TEX36: variants seen among roughly 807,000 people sequenced by gnomAD.
The protein encoded by TEX36 is testis expressed 36, also known as testis-expressed protein 36.
In TEX36, 12 loss-of-function variants were observed where a neutral mutation model predicts 13.6. That is an observed-to-expected ratio of 0.88 (90% CI 0.56 to 1.43). The LOEUF is 1.43. TEX36 is among the 40% of genes most tolerant of loss of function. The pLI is 0.00. For missense variants in TEX36, 224 were observed against 228.3 expected (o/e 0.98, Z 0.12); for synonymous variants, 93 against 83.0 (o/e 1.12, Z -0.65).
chr10:125,655,641 A>G, downstream of TEX36: 2 of 1,159,564 alleles, frequency 1.7e-6, no homozygotes, highest in East Asian at 8.5e-5. Context: ...TGAAATTTCA[A>G]AATGAAAATG....
chr10:125,606,241 C>T lies in TEX36; in HGVS notation c.265-29367G>A, dbSNP rs536761618. ...CCCTATAGTGAAATGTATTCAAGAA[C>T]GACAAGACATCAATAGATTCCTATG... is the stretch of plus-strand genomic sequence containing the variant. On this transcript the variant is annotated intron_variant, in intron 3 of 3. Transcript: ENST00000532135. 7.2e-5 allele frequency among the ~76,000 whole-genome samples: 11 copies of T among 152,252 alleles called. No homozygotes were observed. The South Asian group carries it at 1.0e-3, about 14-fold the overall frequency.
chr10:125,636,970 T>C (rs1846630976), intron 3 of TEX36, among the ~76,000 whole-genome samples: 1 of 152,052 alleles, frequency 6.6e-6, no homozygotes, highest in Admixed American at 6.6e-5. Context: ...TTCCAGTCTT[T>C]GATTTTATGA....
intron 1 of TEX36, among the ~76,000 whole-genome samples, chr10:125,666,075 G>A (rs1006012710): frequency 6.6e-6 from 1 of 152,090 alleles, no homozygotes. Flanking sequence ...ATATTTATCA[G>A]ATCTAAGTGG....
At chr10:125,642,119 T>G (rs1003115555) in intron 3 of TEX36, among the ~76,000 whole-genome samples, 6 of 152,168 alleles carry the variant, frequency 3.9e-5, no homozygotes, top group Non-Finnish European at 8.8e-5. Context: ...TGTTGGTGTT[T>G]GGGCAGAGAA....
At chr10:125,667,212 G>T in intron 1 of TEX36, 2 of 640,166 alleles carry the variant, frequency 3.1e-6, no homozygotes, top group Middle Eastern at 2.6e-4. Flanking sequence ...CAATCTCCTC[G>T]TGAGAAAACT....
At chr10:125,655,180 C>T (rs899545945), downstream of TEX36, among the ~76,000 whole-genome samples, 1 of 152,190 alleles carries the variant, frequency 6.6e-6, no homozygotes, top group African/African-American at 2.4e-5. Context: ...CGCGGTGGCT[C>T]ATGCCTGTAA....
chr10:125,585,496 C>T (rs1845934306), intron 3 of TEX36, among the ~76,000 whole-genome samples: 1 of 152,144 alleles, frequency 6.6e-6, no homozygotes, highest in Non-Finnish European at 1.5e-5. Context: ...ATCCTCTCCC[C>T]CAAGGTGGAT....
intron 3 of TEX36, among the ~76,000 whole-genome samples, chr10:125,599,953 G>T (rs1846126180): frequency 6.6e-6 from 1 of 152,136 alleles, no homozygotes; most frequent in Admixed American, 6.5e-5. Context: ...TAGACTTCGG[G>T]ATCCATGCTG....
chr10:125,683,060 G>A lies in TEX36; in HGVS notation c.-71C>T. ...TCCATAAGCTCTACATGTCTGGGAA[G>A]CTGCTTCCTAAACTTCATAAGCTCT... On this transcript the variant is annotated 5_prime_UTR_variant, in exon 1 of 4. Coordinates refer to ENST00000368821, the MANE Select transcript of TEX36 (RefSeq NM_001128202.3). 6.6e-7 allele frequency: 1 copy of A among 1,513,042 alleles called. No individual in the cohort carries two copies. Among genetic ancestry groups the A allele is most frequent in the Non-Finnish European group, 9.0e-7 (1 of 1,112,076 alleles). The allele number at this position is 1,513,042 out of a possible 1,614,324, so 93.7% of individuals were successfully genotyped here.
intron 3 of TEX36, among the ~76,000 whole-genome samples, chr10:125,643,405 T>A (rs1006507178): frequency 6.6e-6 from 1 of 151,994 alleles, no homozygotes; most frequent in Non-Finnish European, 1.5e-5. Flanking sequence ...GTCAGGAGTT[T>A]GAGACCAGCC....
chr10:125,581,238 G>T (rs971882139), intron 3 of TEX36, among the ~76,000 whole-genome samples: 1 of 152,082 alleles, frequency 6.6e-6, no homozygotes, highest in Admixed American at 6.5e-5. Context: ...CCTCAGTCGG[G>T]GACGGGAGTT....
Position 125,588,592 on chromosome 10 carries a change from GGTTTGTTTGTTT to G in TEX36, c.265-11730_265-11719del, listed in dbSNP as rs59372231. Among the ~76,000 whole-genome samples the G allele has an allele frequency of 5.7e-3, 844 of 147,468 alleles. 4 individuals carry two copies. Among genetic ancestry groups the G allele is most frequent in the African/African-American group, 0.017 (684 of 40,678 alleles). ...GAGAAGCGGGAGGCCCCAGGCTCTT[GGTTTGTTTGTTT>G]GTTTGTTTGTTTGTTTGTTTGTTTG... On this transcript the variant is annotated intron_variant, in intron 3 of 3. Transcript: ENST00000532135.
chr10:125,593,295 C>A (rs914881505), intron 3 of TEX36, among the ~76,000 whole-genome samples: 1 of 152,200 alleles, frequency 6.6e-6, no homozygotes, highest in Non-Finnish European at 1.5e-5. Context: ...ATGTATATTT[C>A]TAATTATATT....
chr10:125,615,993 C>T (rs1000110189), intron 3 of TEX36, among the ~76,000 whole-genome samples: 1 of 152,152 alleles, frequency 6.6e-6, no homozygotes, highest in Non-Finnish European at 1.5e-5. Context: ...GATTCAACTT[C>T]TTCCTGGTTT....
chr10:125,644,820 G>C (rs1846743167), intron 3 of TEX36, among the ~76,000 whole-genome samples: 1 of 152,130 alleles, frequency 6.6e-6, no homozygotes, highest in African/African-American at 2.4e-5. Flanking sequence ...ATCCTGGTTG[G>C]GTCAAGCTCA....
intron 3 of TEX36, among the ~76,000 whole-genome samples, chr10:125,587,786 TAAAAA>T (rs56198506): frequency 1.2e-4 from 12 of 101,898 alleles, no homozygotes; most frequent in Non-Finnish European, 1.8e-4. Context: ...GTCTCAAAAT[TAAAAA>T]AAAAAAAAAA....
chr10:125,636,310 A>G (rs1370497486), intron 3 of TEX36, among the ~76,000 whole-genome samples: 1 of 145,626 alleles, frequency 6.9e-6, no homozygotes, highest in Non-Finnish European at 1.5e-5. Context: ...GGTTCACGCC[A>G]TTCTCCTGCC....
downstream of TEX36, among the ~76,000 whole-genome samples, chr10:125,621,081 A>G (rs189429233): frequency 1.3e-3 from 205 of 152,338 alleles, no homozygotes; most frequent in African/African-American, 4.5e-3. Flanking sequence ...TGTTGCTATA[A>G]AAATGGGTAT....
In TEX36 at chr10:125,634,849, G is replaced by A. The variant is rs558791323; in HGVS notation, c.265-13204C>T. Among the ~76,000 whole-genome samples the A allele has an allele frequency of 1.4e-3, 210 of 152,298 alleles. 1 individual carries two copies. Among genetic ancestry groups the A allele is most frequent in the African/African-American group, 4.8e-3 (199 of 41,574 alleles). ...TACTGTGACTAGCTAAAGGTGAAAC[G>A]ATGGATAGTGAGCCCCTGTCCCCAA... On this transcript the variant is annotated intron_variant, in intron 3 of 3. Transcript: ENST00000526819.
Sources: gnomAD v4.1 joint callset for allele counts (sites outside exome capture counted in the v4.1 genomes callset) on GRCh38, gnomAD v4.1.1 for gene constraint, MANE v1.5 for transcripts, NCBI Gene and HGNC (gene_info 2026-07-23, HGNC 2026-07-21) for gene names.